HCN1: variants seen among roughly 807,000 people sequenced by gnomAD.
The protein encoded by HCN1 is hyperpolarization activated cyclic nucleotide gated potassium channel 1, also known as potassium/sodium hyperpolarization-activated cyclic nucleotide-gated channel 1.
A neutral mutation model predicts 78.9 loss-of-function variants in HCN1; 13 were observed. The ratio of observed to expected loss-of-function variants is 0.16; its 90% CI spans 0.11 to 0.26. The LOEUF is 0.26. Ranked by LOEUF, HCN1 falls within the 10% of genes least tolerant of loss-of-function variation. The probability of loss-of-function intolerance (pLI) is 1.00; values close to 1 mark genes in which losing one functional copy is unlikely to be tolerated. For missense variants in HCN1, 810 were observed against 1,154.3 expected, an observed-to-expected ratio of 0.70 and a Z score of 4.32; for synonymous variants, 552 against 455.5, an observed-to-expected ratio of 1.21 and a Z score of -2.70.
chr5:45,641,729 C>A (rs1422463987), intron 2 of HCN1: 5 of 152,020 alleles, frequency 3.3e-5, no homozygotes, highest in African/African-American at 1.2e-4. Context: ...ATTTCCTAAA[C>A]CTCTAAAAAA....
intron 2 of HCN1, among the ~76,000 whole-genome samples, chr5:45,531,109 TA>T (rs1162275449): frequency 6.6e-6 from 1 of 151,496 alleles, no homozygotes; most frequent in Admixed American, 6.6e-5. Context: ...AAAACAGCAA[TA>T]ATGGTCATGC....
rs542502738 is a variant in HCN1, at chr5:45,348,740, A to G, written c.1377+4360T>C. 5.3e-5 allele frequency among the ~76,000 whole-genome samples: 8 copies of G among 152,338 alleles called. No homozygotes were observed. In the East Asian group the frequency reaches 1.4e-3, roughly 26 times the overall value. On this transcript the variant is annotated intron_variant, in intron 5 of 7. Transcript: ENST00000303230. Reference sequence around the variant, plus strand: ...TTGCAATCCTAGTCTCTGATAAAACAGACGTTAAACCAACAAAGATCAAAA... The same window carrying G: ...TTGCAATCCTAGTCTCTGATAAAACGGACGTTAAACCAACAAAGATCAAAA...
At chr5:45,681,205 T>C (rs904417493) in intron 1 of HCN1, among the ~76,000 whole-genome samples, 33 of 152,136 alleles carry the variant, frequency 2.2e-4, no homozygotes, top group African/African-American at 7.2e-4. Context: ...GCTTCCTTCC[T>C]CCAACACATA....
intron 2 of HCN1, among the ~76,000 whole-genome samples, chr5:45,506,775 T>A (rs144118296): frequency 1.6e-3 from 240 of 152,280 alleles, no homozygotes; most frequent in African/African-American, 5.6e-3. Flanking sequence ...AAATCATTTG[T>A]TATTCTTTTT....
chr5:45,391,463 T>G (rs996298007), intron 4 of HCN1, among the ~76,000 whole-genome samples: 2 of 152,166 alleles, frequency 1.3e-5, no homozygotes, highest in Non-Finnish European at 2.9e-5. Context: ...CTTTTAAAAC[T>G]AAATAATGGT....
chr5:45,663,133 A>C (rs1221219591), intron 1 of HCN1, among the ~76,000 whole-genome samples: 1 of 147,150 alleles, frequency 6.8e-6, no homozygotes, highest in Non-Finnish European at 1.5e-5. Flanking sequence ...AACAGAACAG[A>C]GCCCTCAGAA....
intron 6 of HCN1, among the ~76,000 whole-genome samples, chr5:45,279,494 A>G (rs1745120654): frequency 6.6e-6 from 1 of 152,140 alleles, no homozygotes; most frequent in Non-Finnish European, 1.5e-5. Context: ...AAAAAAGCAG[A>G]TTTTTCCTAT....
chr5:45,372,092 T>TATATTATATAA (rs1747394419), intron 4 of HCN1, among the ~76,000 whole-genome samples: 2 of 52,442 alleles, frequency 3.8e-5, no homozygotes, highest in Non-Finnish European at 6.0e-5. Context: ...TATAATTATA[T>TATATTATATAA]ATATATTTTA....
chr5:45,351,983 T>C (rs1579833186), intron 5 of HCN1, among the ~76,000 whole-genome samples: 1 of 152,140 alleles, frequency 6.6e-6, no homozygotes, highest in Non-Finnish European at 1.5e-5. Context: ...TCCTCAGGGA[T>C]CTAGAACTAG....
intron 2 of HCN1, among the ~76,000 whole-genome samples, chr5:45,483,127 C>T (rs192919405): frequency 1.1e-4 from 16 of 152,266 alleles, no homozygotes; most frequent in South Asian, 2.1e-4. Flanking sequence ...ATATACCCAG[C>T]GGTGGGATAG....
chr5:45,657,695 A>G (rs537579528), intron 1 of HCN1, among the ~76,000 whole-genome samples: 2 of 152,258 alleles, frequency 1.3e-5, no homozygotes, highest in African/African-American at 4.8e-5. Context: ...GATGTGAAGG[A>G]CCTCTTTAAG....
At chr5:45,511,294 G>A (rs2111757059) in intron 2 of HCN1, among the ~76,000 whole-genome samples, 1 of 152,128 alleles carries the variant, frequency 6.6e-6, no homozygotes, top group South Asian at 2.1e-4. Flanking sequence ...CTGTGCAGAA[G>A]AATTCCAAAT....
At chr5:45,272,274 G>A (rs1244835183) in intron 6 of HCN1, among the ~76,000 whole-genome samples, 1 of 151,920 alleles carries the variant, frequency 6.6e-6, no homozygotes, top group Non-Finnish European at 1.5e-5. Context: ...GCGGGGATGG[G>A]GGGTGTTTAA....
intron 6 of HCN1, among the ~76,000 whole-genome samples, chr5:45,289,864 G>A (rs75364887): frequency 0.023 from 3,507 of 152,010 alleles, 56 homozygotes; most frequent in Non-Finnish European, 0.037. Context: ...TCTGATGAGG[G>A]CCCTCTTCTA....
Position 45,432,414 on chromosome 5 carries a change from CT to C in HCN1, c.1011+29431del, listed in dbSNP as rs147958065. ...GACTTCATCTCTTCCCATTTGGATG[CT>C]TTTTCTTTCCTTCTCTAGTCTGATT... On this transcript the variant is annotated intron_variant, in intron 3 of 7. Transcript: ENST00000303230. Among the ~76,000 whole-genome samples the C allele has an allele frequency of 2.2e-4, 34 of 152,002 alleles. No individual in the cohort carries two copies. In the East Asian group the frequency reaches 5.0e-3, roughly 22 times the overall value.
intron 4 of HCN1, among the ~76,000 whole-genome samples, chr5:45,371,286 T>A (rs2112004473): frequency 6.6e-6 from 1 of 151,960 alleles, no homozygotes; most frequent in Non-Finnish European, 1.5e-5. Context: ...AAAGCTGAAC[T>A]GAAGAAAACT....
At chr5:45,474,124 T>C (rs1741465755) in intron 2 of HCN1, among the ~76,000 whole-genome samples, 1 of 151,846 alleles carries the variant, frequency 6.6e-6, no homozygotes, top group African/African-American at 2.4e-5. Context: ...TCCACATCCA[T>C]AGCTTTCCAT....
intron 3 of HCN1, among the ~76,000 whole-genome samples, chr5:45,442,740 C>A (rs187647421): frequency 6.6e-6 from 1 of 152,122 alleles, no homozygotes; most frequent in Non-Finnish European, 1.5e-5. Flanking sequence ...ATTCCTTGGA[C>A]AGAGTATGCT....
chr5:45,305,150 C>G (rs1460032894), intron 5 of HCN1, among the ~76,000 whole-genome samples: 2 of 152,170 alleles, frequency 1.3e-5, no homozygotes, highest in Non-Finnish European at 2.9e-5. Context: ...TAGGTATTAA[C>G]AGAGTCTGAG....
Sources: allele counts gnomAD v4.1 joint callset (sites outside exome capture counted in the v4.1 genomes callset), GRCh38; gene constraint gnomAD v4.1.1; transcripts MANE v1.5; gene names NCBI Gene and HGNC (gene_info 2026-07-23, HGNC 2026-07-21).